Variants in THSD7B observed in about 807,000 individuals in gnomAD.
The protein encoded by THSD7B is thrombospondin type 1 domain containing 7B.
A neutral mutation model predicts 213.6 loss-of-function variants in THSD7B; 138 were observed. The ratio of observed to expected loss-of-function variants is 0.65; its 90% CI spans 0.56 to 0.74. THSD7B has a LOEUF of 0.74. THSD7B is among the 30% of genes least tolerant of loss of function. THSD7B has a pLI of 0.00. For missense variants in THSD7B, 1,931 were observed against 1,991.5 expected, an observed-to-expected ratio of 0.97 and a Z score of 0.58; for synonymous variants, 742 against 687.0, an observed-to-expected ratio of 1.08 and a Z score of -1.25.
chr2:137,213,024 G>A (rs1475882954), intron 7 of THSD7B, among the ~76,000 whole-genome samples: 1 of 105,010 alleles, frequency 9.5e-6, no homozygotes, highest in Non-Finnish European at 1.8e-5. Context: ...GGTGATATCT[G>A]TATGCTAAAA....
intron 19 of THSD7B, among the ~76,000 whole-genome samples, chr2:137,618,805 G>A (rs544936202): frequency 3.3e-5 from 5 of 152,266 alleles, no homozygotes; most frequent in African/African-American, 9.6e-5. Flanking sequence ...GACCTTGGGC[G>A]ACTTTAATAT....
intron 20 of THSD7B, among the ~76,000 whole-genome samples, chr2:137,640,133 A>G (rs929554364): frequency 6.6e-6 from 1 of 152,034 alleles, no homozygotes; most frequent in East Asian, 1.9e-4. Flanking sequence ...CAGAATTCCC[A>G]CCTGTTGTGG....
chr2:137,007,847 AC>A (rs1345173120), intron 2 of THSD7B, among the ~76,000 whole-genome samples: 1 of 152,190 alleles, frequency 6.6e-6, no homozygotes, highest in African/African-American at 2.4e-5. Flanking sequence ...TCACCTAAAT[AC>A]CACTTTAATT....
chr2:137,480,284 A>G (rs1170564672), intron 15 of THSD7B, among the ~76,000 whole-genome samples: 3 of 152,162 alleles, frequency 2.0e-5, no homozygotes, highest in South Asian at 4.1e-4. Flanking sequence ...GGATAAGAAC[A>G]TGGTATTAGA....
intron 12 of THSD7B, among the ~76,000 whole-genome samples, chr2:137,291,382 C>T (rs962684404): frequency 2.6e-5 from 4 of 152,056 alleles, no homozygotes; most frequent in Non-Finnish European, 5.9e-5. Flanking sequence ...AGAAAATGTA[C>T]CTTATTCGTC....
intron 2 of THSD7B, among the ~76,000 whole-genome samples, chr2:136,887,229 T>C (rs1200879194): frequency 2.6e-5 from 4 of 151,924 alleles, no homozygotes; most frequent in African/African-American, 9.7e-5. Flanking sequence ...GCAAGTGAGC[T>C]TATAAAAAGT....
At chr2:137,603,287 A>G (rs367543422) in intron 17 of THSD7B, among the ~76,000 whole-genome samples, 3 of 152,230 alleles carry the variant, frequency 2.0e-5, no homozygotes, top group African/African-American at 7.2e-5. Flanking sequence ...AATCTGAGTG[A>G]AGAGACTGAG....
chr2:136,926,661 T>A (rs115942097), intron 2 of THSD7B, among the ~76,000 whole-genome samples: 2,466 of 151,150 alleles, frequency 0.016, 33 homozygotes, highest in Middle Eastern at 0.02. Flanking sequence ...GCCACTGTAC[T>A]CCAGCCTGGA....
intron 7 of THSD7B, among the ~76,000 whole-genome samples, chr2:137,207,417 G>C (rs981630829): frequency 1.3e-5 from 2 of 152,032 alleles, no homozygotes; most frequent in African/African-American, 4.8e-5. Flanking sequence ...TAAAGAATTA[G>C]CAGTTAATCA....
chr2:137,416,297 C>T (rs1019139741), intron 14 of THSD7B, among the ~76,000 whole-genome samples: 2 of 152,172 alleles, frequency 1.3e-5, no homozygotes, highest in Admixed American at 6.5e-5. Context: ...CTTTATGTAG[C>T]AGCTCCTCAG....
intron 7 of THSD7B, among the ~76,000 whole-genome samples, chr2:137,206,337 A>G (rs1029250438): frequency 6.6e-6 from 1 of 152,082 alleles, no homozygotes; most frequent in Non-Finnish European, 1.5e-5. Context: ...GGAAATGGAA[A>G]TGATCTTGAC....
intron 2 of THSD7B, among the ~76,000 whole-genome samples, chr2:136,962,530 A>C (rs921705980): frequency 2.7e-5 from 4 of 146,372 alleles, no homozygotes; most frequent in Admixed American, 7.2e-5. Flanking sequence ...TCCACAGTCT[A>C]TTGTGTGTGG....
intron 12 of THSD7B, among the ~76,000 whole-genome samples, chr2:137,365,722 A>G (rs1167926058): frequency 6.6e-6 from 1 of 152,228 alleles, no homozygotes; most frequent in African/African-American, 2.4e-5. Flanking sequence ...AATGGCAATC[A>G]TTAAAAAGTC....
chr2:137,204,075 A>T (rs1468347706), intron 7 of THSD7B, among the ~76,000 whole-genome samples: 2 of 152,096 alleles, frequency 1.3e-5, no homozygotes, highest in African/African-American at 2.4e-5. Flanking sequence ...TGGTGATGTG[A>T]TGATAATTGG....
chr2:136,890,303 C>CTT (rs200389806), intron 2 of THSD7B, among the ~76,000 whole-genome samples: 1,902 of 5,146 alleles, frequency 0.37, 258 homozygotes, highest in East Asian at 0.9. Flanking sequence ...ATGTCCTACT[C>CTT]CTTCTTCTTC....
At chr2:137,067,109 A>T (rs1458198433) in intron 3 of THSD7B, among the ~76,000 whole-genome samples, 3 of 152,116 alleles carry the variant, frequency 2.0e-5, no homozygotes, top group Non-Finnish European at 4.4e-5. Context: ...CTTTTTCACT[A>T]GAACCTTTAG....
At chr2:136,962,476 G>C (rs539016559) in intron 2 of THSD7B, among the ~76,000 whole-genome samples, 6 of 141,280 alleles carry the variant, frequency 4.2e-5, no homozygotes, top group Non-Finnish European at 9.0e-5. Flanking sequence ...GACATTGCAT[G>C]GGAATAGGCA....
chr2:137,579,991 G>C (rs891889543), intron 17 of THSD7B, among the ~76,000 whole-genome samples: 2 of 151,836 alleles, frequency 1.3e-5, no homozygotes, highest in Non-Finnish European at 2.9e-5. Context: ...GGTATCTTCT[G>C]TCATATAAAA....
chr2:136,833,236 G>A lies in THSD7B; in HGVS notation c.-35-48908G>A, dbSNP rs1682785391. Among the ~76,000 whole-genome samples the A allele has an allele frequency of 2.0e-5, 3 of 151,928 alleles. No individual in the cohort carries two copies. In the South Asian group the frequency reaches 6.2e-4, roughly 32 times the overall value. ...AAAAATTAGCTGGGCATGGTGGCGG[G>A]TGCCTGTAGTCCCAGCTACTCGGGA... On this transcript the variant is annotated intron_variant, in intron 1 of 27. Transcript: ENST00000409968.
Sources: gnomAD v4.1 joint callset for allele counts (sites outside exome capture counted in the v4.1 genomes callset) on GRCh38, gnomAD v4.1.1 for gene constraint, MANE v1.5 for transcripts, NCBI Gene and HGNC (gene_info 2026-07-23, HGNC 2026-07-21) for gene names.